TECPR1: variants seen among roughly 807,000 people sequenced by gnomAD.
The protein encoded by TECPR1 is tectonin beta-propeller repeat-containing protein 1.
A neutral mutation model predicts 162.4 loss-of-function variants in TECPR1; 122 were observed. The observed-to-expected ratio is 0.75, with a 90% CI of 0.65 to 0.87. The LOEUF is 0.87. TECPR1 is among the 40% of genes least tolerant of loss of function. TECPR1 has a pLI of 0.00. For missense variants in TECPR1, 1,432 were observed against 1,618.2 expected, an observed-to-expected ratio of 0.88 and a Z score of 1.97; for synonymous variants, 642 against 670.6, an observed-to-expected ratio of 0.96 and a Z score of 0.66.
intron 8 of TECPR1, 23 bp downstream of exon 8, chr7:98,240,828 C>G (rs755439258): frequency 6.4e-6 from 10 of 1,571,432 alleles, no homozygotes; most frequent in African/African-American, 2.7e-5. Flanking sequence ...TCAAGTGATC[C>G]CCCAGCCTCA....
intron 8 of TECPR1, among the ~76,000 whole-genome samples, chr7:98,239,226 CAGACCTACTGG>C (rs1798683943): frequency 6.6e-6 from 1 of 152,214 alleles, no homozygotes; most frequent in South Asian, 2.1e-4. Flanking sequence ...CCGTTAGTCT[CAGACCTACTGG>C]AGACCTTGTG....
Position 98,233,423 on chromosome 7 carries a change from G to A in TECPR1, c.1670C>T (p.Ala557Val), listed in dbSNP as rs769195365. 2.7e-5 allele frequency: 39 copies of A among 1,452,264 alleles called. 1 individual carries two copies. Among genetic ancestry groups the A allele is most frequent in the South Asian group, 1.0e-4 (7 of 66,900 alleles). 90.0% of individuals were successfully genotyped at this position (1,452,264 alleles called of 1,614,324 possible). Residue 557 changes from alanine (A) to valine (V), a missense_variant and splice_region_variant, in exon 11 of 26, where the codon GCG (alanine) becomes GTG (valine). Coordinates refer to ENST00000447648, the MANE Select transcript of TECPR1 (RefSeq NM_015395.3). The part of the protein sequence containing the change: ...CAMPRWFTVQ[A>V]GLSSSVHMLS... ...CCAGGCCCTGCAGGAGCCCTTACCC[G>A]CCTGGACAGTGAACCATCTGGGCAT... is the stretch of plus-strand genomic sequence containing the variant.
chr7:98,241,322 G>C lies in TECPR1; in HGVS notation c.658-78C>G. On this transcript the variant is annotated intron_variant, in intron 6 of 25. Coordinates refer to ENST00000447648, the MANE Select transcript of TECPR1 (RefSeq NM_015395.3). This position sits in a 1 kb window ranked among gnomAD's most constrained non-coding sequence, Gnocchi z 5.0. Reference sequence around the variant, plus strand: ...AAGCACGGGGGTCTCGGTGTGGTAGGGGGTAGGACCCATGTCCCCTGACCG... The same window carrying C: ...AAGCACGGGGGTCTCGGTGTGGTAGCGGGTAGGACCCATGTCCCCTGACCG... 6.4e-7 allele frequency: 1 copy of C among 1,556,240 alleles called. No homozygotes were observed. The highest frequency in any genetic ancestry group is 1.7e-5 in the Admixed American group (1 of 57,358).
intron 10 of TECPR1, among the ~76,000 whole-genome samples, chr7:98,235,849 A>AAAAAAAACAAAAAAAAAAACAAC: frequency 9.1e-6 from 1 of 110,258 alleles, no homozygotes; most frequent in Non-Finnish European, 2.1e-5. Flanking sequence ...AAAAAAAAAA[A>AAAAAAAACAAAAAAAAAAACAAC]AACACCATCT....
chr7:98,232,959 C>G lies in TECPR1; in HGVS notation c.1686G>C (p.Ser562=). Residue 562 remains serine (S), a synonymous_variant, in exon 12 of 26, where the codon TCG becomes TCC. Transcript: ENST00000447648. This position sits in a 1 kb window ranked among gnomAD's most constrained non-coding sequence, Gnocchi z 4.6. ...TGATGGACAGGGACAGCATGTGTAC[C>G]GAGGAGGACAGGCCTGTGGGGCAGA... ...WFTVQAGLSS[S]VHMLSLSITP... 1 of 1,611,562 alleles carries G rather than the reference C, an allele frequency of 6.2e-7. No individual in the cohort carries two copies.
intron 17 of TECPR1, chr7:98,226,506 C>T (rs1392835124): frequency 5.8e-6 from 6 of 1,025,852 alleles, no homozygotes; most frequent in Non-Finnish European, 5.9e-6. Flanking sequence ...CCAACACGGA[C>T]ACACAGTATG....
At position 98,246,057 on chromosome 7, in the gene TECPR1, G is replaced by A. The variant is rs1301372185; in HGVS notation, c.90C>T (p.Asp30=). ...TAGQYWEMCK[D]SQLEFKRVSA... is the part of the protein sequence containing the mutation. ...TGACGCGCTTGAACTCCAGCTGGGA[G>A]TCCTTGCACATTTCCCAGTACTGGC... Residue 30 remains aspartate, a synonymous_variant, in exon 3 of 26, where the codon GAC becomes GAT. Coordinates refer to ENST00000447648, the MANE Select transcript of TECPR1 (RefSeq NM_015395.3). 1.3e-6 allele frequency: 2 copies of A among 1,575,476 alleles called. No homozygotes were observed. Among genetic ancestry groups the A allele is most frequent in the African/African-American group, 2.7e-5 (2 of 73,984 alleles).
Position 98,245,977 on chromosome 7 carries a change from T to G in TECPR1, c.170A>C (p.Tyr57Ser). The G allele has an allele frequency of 6.2e-7, 1 of 1,607,050 alleles. No individual in the cohort carries two copies. Among genetic ancestry groups the G allele is most frequent in the Non-Finnish European group, 8.5e-7 (1 of 1,177,440 alleles). Residue 57 changes from tyrosine (Y) to serine (S), a missense_variant, in exon 3 of 26, where the codon TAT becomes TCT. Transcript: ENST00000447648. Reference protein sequence around the residue: ...GIACDNQVYVYVCASDVPIRR... With the variant: ...GIACDNQVYVSVCASDVPIRR... Reference sequence around the variant, plus strand: ...GATGGGGACATCGCTGGCACACACATACACGTAGACCTGGTTGTCACAGGC... The same window carrying G: ...GATGGGGACATCGCTGGCACACACAGACACGTAGACCTGGTTGTCACAGGC...
rs759029619 is a variant in TECPR1 at position 98,243,540 on chromosome 7, G to C, written c.584C>G (p.Ser195Cys). ...KELPDPFNDL[S>C]VGGWEITEEP... is the part of the protein sequence containing the mutation. Reference sequence around the variant, plus strand: ...CTCCGTGATCTCCCAGCCCCCTACAGAGAGGTCGTTGAAGGGGTCGGGCAG... The same window carrying C: ...CTCCGTGATCTCCCAGCCCCCTACACAGAGGTCGTTGAAGGGGTCGGGCAG... The change falls in exon 6 of 26, where the codon TCT (serine) becomes TGT (cysteine). Residue 195 changes from serine (S) to cysteine (C), a missense_variant. Transcript: ENST00000447648. 6.2e-7 allele frequency: 1 copy of C among 1,612,676 alleles called. No individual in the cohort carries two copies. Among genetic ancestry groups the C allele is most frequent in the Non-Finnish European group, 8.5e-7 (1 of 1,179,814 alleles).
intron 16 of TECPR1, chr7:98,228,700 A>G (rs566873323): frequency 6.1e-5 from 16 of 261,886 alleles, no homozygotes; most frequent in African/African-American, 3.2e-4. Context: ...CAGTAGGAAC[A>G]GAGGGACCCT....
At chr7:98,235,480 G>A (rs76754817) in intron 10 of TECPR1, among the ~76,000 whole-genome samples, 26,410 of 147,162 alleles carry the variant, frequency 0.18, 2,492 homozygotes, top group South Asian at 0.31. Context: ...AGCCAAGATC[G>A]CGCCGTGGCA....
intron 6 of TECPR1, 82 bp downstream of exon 6, chr7:98,243,385 C>A: frequency 2.6e-6 from 4 of 1,560,542 alleles, no homozygotes; most frequent in East Asian, 2.3e-5. Flanking sequence ...CGGGGAGGAG[C>A]AAGACCCAGG....
rs1209829171 is a variant in TECPR1, at chr7:98,232,621, G to A, written c.1818+206C>T. ...TCTCTGGGTCCCCAGGGCCTCCAAC[G>A]AGTCTGGAACACAGTGAGGCCCAAA... On this transcript the variant is annotated intron_variant, in intron 12 of 25. Transcript: ENST00000447648. This position sits in a 1 kb window ranked among gnomAD's most constrained non-coding sequence, Gnocchi z 4.6. Among the ~76,000 whole-genome samples the A allele has an allele frequency of 1.4e-5, 2 of 142,662 alleles. No homozygotes were observed. The highest frequency in any genetic ancestry group is 2.6e-4 in the South Asian group (1 of 3,868). The allele number at this position is 142,662 out of a possible 152,430, so 93.6% of individuals were successfully genotyped here.
At chr7:98,239,761 C>T (rs1798698642) in intron 8 of TECPR1, among the ~76,000 whole-genome samples, 1 of 151,904 alleles carries the variant, frequency 6.6e-6, no homozygotes, top group Non-Finnish European at 1.5e-5. Context: ...CAGATGCAGA[C>T]GTGTGGGCCG....
Position 98,231,065 on chromosome 7 carries a change from C to T in TECPR1, c.2178G>A (p.Pro726=), listed in dbSNP as rs776833144. 4.7e-5 allele frequency: 76 copies of T among 1,609,846 alleles called. No homozygotes were observed. The highest frequency in any genetic ancestry group is 4.3e-4 in the South Asian group (39 of 90,456). Residue 726 remains proline, a synonymous_variant, in exon 15 of 26, where the codon CCG becomes CCA. Transcript: ENST00000447648. ...CCESRKVQGR[P]SPQAIWSITC... The stretch of plus-strand genomic sequence containing the variant: ...TGATGGACCAGATGGCCTGCGGGGA[C>T]GGGCGGCCCTGCACCTTCCGGCTCT...
chr7:98,222,122 C>G (rs956590568), intron 22 of TECPR1, among the ~76,000 whole-genome samples: 5 of 152,184 alleles, frequency 3.3e-5, no homozygotes, highest in African/African-American at 7.2e-5. Flanking sequence ...CCCGTCCTCC[C>G]GGGCAGCCAC....
intron 23 of TECPR1, among the ~76,000 whole-genome samples, chr7:98,220,716 G>A (rs1222994819): frequency 1.3e-5 from 2 of 151,972 alleles, no homozygotes; most frequent in Admixed American, 6.6e-5. Flanking sequence ...CCGCCACCAC[G>A]CCCAGCTAAT....
In TECPR1 at chr7:98,232,806, C is replaced by A; in HGVS notation, c.1818+21G>T. 1.3e-6 allele frequency: 2 copies of A among 1,528,288 alleles called. No individual in the cohort carries two copies. The highest frequency in any genetic ancestry group is 1.3e-5 in the South Asian group (1 of 79,572). The allele number at this position is 1,528,288 out of a possible 1,614,324, so 94.7% of individuals were successfully genotyped here. A position where few individuals can be genotyped will look rare whatever the true frequency, so the allele number is the denominator to read the frequency against. On this transcript the variant is annotated intron_variant, in intron 12 of 25. Transcript: ENST00000447648. This position sits in a 1 kb window ranked among gnomAD's most constrained non-coding sequence, Gnocchi z 4.6. The stretch of plus-strand genomic sequence containing the variant: ...GCTGGAAAAAAAAAAAAAATGCATG[C>A]GCAGCCACCGGGGCACCCACCTGCT...
intron 9 of TECPR1, among the ~76,000 whole-genome samples, chr7:98,237,226 T>A (rs1466992936): frequency 6.6e-6 from 1 of 152,134 alleles, no homozygotes; most frequent in African/African-American, 2.4e-5. Context: ...TGCCTCCCTG[T>A]CTTGCGTGTG....
Sources: gnomAD v4.1 joint callset for allele counts (sites outside exome capture counted in the v4.1 genomes callset) on GRCh38, gnomAD v4.1.1 for gene constraint, Gnocchi (gnomAD v3.1) non-coding constraint, MANE v1.5 for transcripts, NCBI Gene and HGNC (gene_info 2026-07-23, HGNC 2026-07-21) for gene names.